Variants in ACSBG1 observed in about 807,000 individuals in gnomAD.
ACSBG1 encodes acyl-CoA synthetase bubblegum family member 1.
ACSBG1 carries 39 observed loss-of-function variants against 80.2 expected under a neutral mutation model. The observed-to-expected ratio is 0.49, with a 90% CI of 0.38 to 0.64. ACSBG1 has a LOEUF of 0.64. Ranked by LOEUF, ACSBG1 falls within the 30% of genes least tolerant of loss-of-function variation. The probability of loss-of-function intolerance (pLI) is 0.00; values close to 1 mark genes in which losing one functional copy is unlikely to be tolerated. For synonymous variants in ACSBG1, 392 were observed against 379.5 expected (o/e 1.03, Z -0.38); for missense variants, 828 against 966.4 (o/e 0.86, Z 1.90).
At chr15:78,185,299 G>A (rs1459886641) in intron 5 of ACSBG1, among the ~76,000 whole-genome samples, 2 of 152,138 alleles carry the variant, frequency 1.3e-5, no homozygotes, top group Non-Finnish European at 2.9e-5. Context: ...AATGACCAGG[G>A]CTGGAAGTCA....
intron 1 of ACSBG1, among the ~76,000 whole-genome samples, chr15:78,223,572 G>A (rs562188139): frequency 1.4e-4 from 22 of 152,258 alleles, no homozygotes; most frequent in Non-Finnish European, 2.8e-4. Context: ...CAGCTGCCAC[G>A]TCACAGACAC....
intron 2 of ACSBG1, among the ~76,000 whole-genome samples, chr15:78,197,720 A>C (rs869307914): frequency 7.4e-5 from 1 of 13,532 alleles, no homozygotes; most frequent in Non-Finnish European, 2.9e-4. Context: ...CTCTGTCTTT[A>C]AAAAAAAAAA....
At chr15:78,181,677 T>C (rs2074946343) in intron 8 of ACSBG1, among the ~76,000 whole-genome samples, 1 of 151,902 alleles carries the variant, frequency 6.6e-6, no homozygotes, top group African/African-American at 2.4e-5. Flanking sequence ...GTATTTTCAG[T>C]AGAGATGGGG....
In ACSBG1 at chr15:78,170,698, G is replaced by A. The variant is rs938445209; in HGVS notation, c.*746C>T. 2.6e-5 allele frequency: 4 copies of A among 152,152 alleles called. No individual in the cohort carries two copies. Among genetic ancestry groups the A allele is most frequent in the Admixed American group, 6.6e-5 (1 of 15,250 alleles). 9.4% of individuals were successfully genotyped at this position (152,152 alleles called of 1,614,324 possible). A position where few individuals can be genotyped will look rare whatever the true frequency, so the allele number is the denominator to read the frequency against. Reference sequence around the variant, plus strand: ...GAGCTGGCTGCTTTTATGAGAATGCGCCACTTGACCCCATCCTGCACCTTT... The same window carrying A: ...GAGCTGGCTGCTTTTATGAGAATGCACCACTTGACCCCATCCTGCACCTTT... On this transcript the variant is annotated 3_prime_UTR_variant, in exon 14 of 14. Transcript: ENST00000258873.
chr15:78,228,613 C>T (rs1050859479), intron 1 of ACSBG1, among the ~76,000 whole-genome samples: 4 of 152,184 alleles, frequency 2.6e-5, no homozygotes, highest in East Asian at 1.9e-4. Context: ...TATCCAGATC[C>T]GTACTCAGAA....
chr15:78,209,227 C>T, intron 1 of ACSBG1: 1 of 456,058 alleles, frequency 2.2e-6, no homozygotes, highest in Non-Finnish European at 4.4e-6. Context: ...CTAGGCCCAC[C>T]TGGCAGCCAT....
intron 9 of ACSBG1, among the ~76,000 whole-genome samples, chr15:78,180,420 C>T (rs2074930644): frequency 6.6e-6 from 1 of 152,192 alleles, no homozygotes; most frequent in African/African-American, 2.4e-5. Flanking sequence ...AAGGCTAAGT[C>T]CTGATCACTG....
chr15:78,199,843 G>A (rs961975213), intron 2 of ACSBG1, among the ~76,000 whole-genome samples: 3 of 152,036 alleles, frequency 2.0e-5, no homozygotes, highest in Non-Finnish European at 4.4e-5. Flanking sequence ...CTAGCCATTA[G>A]CCAAATCATC....
At chr15:78,210,803 A>C (rs534914648) in intron 1 of ACSBG1, among the ~76,000 whole-genome samples, 1 of 152,136 alleles carries the variant, frequency 6.6e-6, no homozygotes, top group Non-Finnish European at 1.5e-5. Flanking sequence ...TTGTAGAGAC[A>C]GGGTCTTGCT....
intron 1 of ACSBG1, chr15:78,226,664 TAAAG>T (rs1348534911): frequency 6.2e-6 from 1 of 160,738 alleles, no homozygotes; most frequent in Non-Finnish European, 1.4e-5. Flanking sequence ...TGATATTATA[TAAAG>T]AAAGAGAAAT....
At chr15:78,203,337 A>G (rs566107550) in intron 2 of ACSBG1, among the ~76,000 whole-genome samples, 83 of 152,356 alleles carry the variant, frequency 5.4e-4, no homozygotes, top group African/African-American at 1.9e-3. Flanking sequence ...AGATCCCAAC[A>G]GGAGCTGACT....
chr15:78,214,018 C>A (rs2075288081), intron 1 of ACSBG1, among the ~76,000 whole-genome samples: 1 of 152,194 alleles, frequency 6.6e-6, no homozygotes, highest in Non-Finnish European at 1.5e-5. Context: ...GCTACGTACA[C>A]AAGGTTTACC....
chr15:78,210,750 A>T (rs2075259741), intron 1 of ACSBG1, among the ~76,000 whole-genome samples: 1 of 152,148 alleles, frequency 6.6e-6, no homozygotes, highest in Non-Finnish European at 1.5e-5. Context: ...AGTAGCTGGG[A>T]CTACAGGACA....
intron 5 of ACSBG1, among the ~76,000 whole-genome samples, chr15:78,183,845 C>T (rs2074973406): frequency 7.3e-6 from 1 of 136,104 alleles, no homozygotes; most frequent in Non-Finnish European, 1.5e-5. Flanking sequence ...GAGTTTGAGA[C>T]CAGCCTGGGC....
intron 1 of ACSBG1, among the ~76,000 whole-genome samples, chr15:78,218,364 C>G (rs1301910706): frequency 6.6e-6 from 1 of 152,028 alleles, no homozygotes; most frequent in African/African-American, 2.4e-5. Flanking sequence ...CTGGTTCTGG[C>G]TCACAGACTT....
chr15:78,206,744 A>G (rs1343472273), intron 2 of ACSBG1, among the ~76,000 whole-genome samples: 1 of 152,102 alleles, frequency 6.6e-6, no homozygotes, highest in African/African-American at 2.4e-5. Context: ...CTGCGTGTCT[A>G]CTGCTGCACG....
intron 5 of ACSBG1, among the ~76,000 whole-genome samples, chr15:78,183,897 G>A (rs933238991): frequency 1.3e-5 from 2 of 150,030 alleles, no homozygotes; most frequent in Non-Finnish European, 3.0e-5. Context: ...CGGGTGGGGC[G>A]GGGAACACTA....
rs1490348097 is a variant in ACSBG1 at position 78,194,577 on chromosome 15, C to T, written c.382G>A (p.Asp128Asn). Residue 128 changes from aspartate (D) to asparagine (N), a missense_variant, in exon 3 of 14, where the codon GAC (aspartate) becomes AAC (asparagine). Asp to Asn is a conservative substitution (Grantham distance 23, BLOSUM62 1). Coordinates refer to ENST00000258873, the MANE Select transcript of ACSBG1 (RefSeq NM_015162.5). Reference sequence around the variant, plus strand: ...GAGTAGGAGATGTGTTCCCACTTGTCCTGGCGCTTGAAGCCCAAAGCGATG... The same window carrying T: ...GAGTAGGAGATGTGTTCCCACTTGTTCTGGCGCTTGAAGCCCAAAGCGATG... ...DLIALGFKRQ[D>N]KWEHISYSQY... The T allele has an allele frequency of 6.2e-6, 10 of 1,614,134 alleles. No individual in the cohort carries two copies. The highest frequency in any genetic ancestry group is 1.3e-5 in the African/African-American group (1 of 74,948).
At chr15:78,209,196 A>C (rs1839334355) in intron 1 of ACSBG1, 1 of 456,112 alleles carries the variant, frequency 2.2e-6, no homozygotes, top group Non-Finnish European at 4.4e-6. Flanking sequence ...GTTCCGAACA[A>C]AACTAAGTTT....
Sources: allele counts gnomAD v4.1 joint callset (sites outside exome capture counted in the v4.1 genomes callset), GRCh38; gene constraint gnomAD v4.1.1; transcripts MANE v1.5; gene names NCBI Gene and HGNC (gene_info 2026-07-23, HGNC 2026-07-21).